Variants in LAMA2 observed in about 807,000 individuals in gnomAD.
LAMA2 encodes laminin subunit alpha-2.
A neutral mutation model predicts 364.8 loss-of-function variants in LAMA2; 269 were observed. The observed-to-expected ratio is 0.74, with a 90% CI of 0.67 to 0.82. The LOEUF (loss-of-function observed/expected upper bound fraction) is 0.82. LAMA2 is among the 40% of genes least tolerant of loss of function. The pLI is 0.00. For missense variants in LAMA2, 3,807 were observed against 3,873.2 expected (o/e 0.98, Z 0.45); for synonymous variants, 1,379 against 1,370.6 (o/e 1.01, Z -0.14).
At chr6:129,382,891 G>A (rs557681899) in intron 34 of LAMA2, among the ~76,000 whole-genome samples, 19 of 152,256 alleles carry the variant, frequency 1.2e-4, no homozygotes, top group South Asian at 8.3e-4. Flanking sequence ...TATAACAAGC[G>A]TTTTTTAAAA....
intron 1 of LAMA2, among the ~76,000 whole-genome samples, chr6:129,006,422 C>G (rs1452483090): frequency 6.6e-6 from 1 of 152,064 alleles, no homozygotes; most frequent in Non-Finnish European, 1.5e-5. Context: ...TTGCCTTGAT[C>G]TTAGAGGCTG....
chr6:129,219,981 A>T (rs1177379571), intron 12 of LAMA2, among the ~76,000 whole-genome samples: 1 of 151,878 alleles, frequency 6.6e-6, no homozygotes, highest in Non-Finnish European at 1.5e-5. Context: ...ATAATAAAAT[A>T]AAAATAAAAT....
chr6:129,227,965 G>A (rs940273252), intron 12 of LAMA2, among the ~76,000 whole-genome samples: 1 of 152,188 alleles, frequency 6.6e-6, no homozygotes, highest in Non-Finnish European at 1.5e-5. Flanking sequence ...TTGAGCTGCA[G>A]TGGGCTTCAC....
chr6:129,266,687 C>G lies in LAMA2; in HGVS notation c.2209-419C>G, dbSNP rs1317380552. On this transcript the variant is annotated intron_variant, in intron 15 of 64. Transcript: ENST00000421865. ...GGCAAGTGAACACATTCCAGAGAAT[C>G]AAAATTGCTTGGGATGACATCGGGT... 2.0e-5 allele frequency among the ~76,000 whole-genome samples: 3 copies of G among 152,082 alleles called. No homozygotes were observed. In the South Asian group the frequency reaches 6.2e-4, roughly 31 times the overall value.
At chr6:129,500,170 G>T (rs1467740912) in intron 58 of LAMA2, among the ~76,000 whole-genome samples, 1 of 152,048 alleles carries the variant, frequency 6.6e-6, no homozygotes, top group Non-Finnish European at 1.5e-5. Flanking sequence ...CAAATTAGAG[G>T]GTGGGGAATT....
At chr6:129,429,724 C>G (rs1021336054) in intron 41 of LAMA2, among the ~76,000 whole-genome samples, 2 of 152,178 alleles carry the variant, frequency 1.3e-5, no homozygotes, top group African/African-American at 4.8e-5. Flanking sequence ...ATCTCATACC[C>G]TTGCCCAGGG....
At chr6:129,326,848 C>T (rs897597943) in intron 28 of LAMA2, among the ~76,000 whole-genome samples, 3 of 147,030 alleles carry the variant, frequency 2.0e-5, no homozygotes, top group Admixed American at 1.4e-4. Context: ...CAGTTTTATT[C>T]AGTGGTCAGC....
chr6:129,298,611 T>C (rs1773353439), intron 21 of LAMA2, among the ~76,000 whole-genome samples: 1 of 152,232 alleles, frequency 6.6e-6, no homozygotes. Context: ...CTTTGTTTAC[T>C]AATGTCATGG....
intron 3 of LAMA2, among the ~76,000 whole-genome samples, chr6:129,071,113 C>A (rs1230793067): frequency 6.6e-6 from 1 of 152,182 alleles, no homozygotes; most frequent in Non-Finnish European, 1.5e-5. Context: ...AAATGTGGGA[C>A]TCACTGGAGT....
intron 10 of LAMA2, among the ~76,000 whole-genome samples, chr6:129,183,097 C>A (rs1027384324): frequency 3.3e-5 from 5 of 151,950 alleles, no homozygotes; most frequent in Admixed American, 6.6e-5. Flanking sequence ...TAGCTCAAGA[C>A]ACTCAAATGT....
intron 45 of LAMA2, among the ~76,000 whole-genome samples, 167 bp from the exon 46 acceptor site, chr6:129,452,821 T>C (rs1343178440): frequency 1.3e-5 from 2 of 152,208 alleles, no homozygotes; most frequent in Non-Finnish European, 2.9e-5. Flanking sequence ...TTCTGTGCCC[T>C]CATTAATGAG....
Position 129,426,926 on chromosome 6 carries a change from C to T in LAMA2, c.5866-826C>T, listed in dbSNP as rs570390887. Among the ~76,000 whole-genome samples, 10 of 152,268 alleles carry T rather than the reference C, an allele frequency of 6.6e-5. No homozygotes were observed. In the South Asian group the frequency reaches 1.7e-3, roughly 25 times the overall value. On this transcript the variant is annotated intron_variant, in intron 40 of 64. Coordinates refer to ENST00000421865, the MANE Select transcript of LAMA2 (RefSeq NM_000426.4). ...TCAACAGTAAGTATTTAGCACTCTC[C>T]AACCCTTCTTGCACTTGCAATACTT... is the stretch of plus-strand genomic sequence containing the variant.
intron 8 of LAMA2, among the ~76,000 whole-genome samples, chr6:129,161,379 A>C (rs1779430934): frequency 1.3e-5 from 2 of 152,012 alleles, no homozygotes. Context: ...TAATAATATG[A>C]TTGGGTTTTG....
Position 129,275,140 on chromosome 6 carries a change from G to T in LAMA2, c.2450+4389G>T, listed in dbSNP as rs142580141. ...ACTCAAGAGATCATATTGAATGCAC[G>T]TTGTTAAAATTAATATAGAGAAATG... On this transcript the variant is annotated intron_variant, in intron 17 of 64. Coordinates refer to ENST00000421865, the MANE Select transcript of LAMA2 (RefSeq NM_000426.4). 1.1e-3 allele frequency among the ~76,000 whole-genome samples: 174 copies of T among 152,054 alleles called. 1 individual carries two copies. The highest frequency in any genetic ancestry group is 3.9e-3 in the African/African-American group (162 of 41,516).
intron 13 of LAMA2, among the ~76,000 whole-genome samples, chr6:129,251,060 CTCTCTCTCTCTCTCTCTA>C (rs1282591159): frequency 2.1e-3 from 159 of 74,246 alleles, no homozygotes; most frequent in East Asian, 9.3e-3. Flanking sequence ...CTCTCTCTCT[CTCTCTCTCTCTCTCTCTA>C]TATATATATA....
chr6:129,061,169 C>A (rs980074937), intron 3 of LAMA2, among the ~76,000 whole-genome samples: 3 of 152,184 alleles, frequency 2.0e-5, no homozygotes, highest in African/African-American at 7.2e-5. Context: ...CTGATAAAGA[C>A]AACTTTGTCC....
At chr6:129,483,535 AAG>A (rs1784454811) in intron 55 of LAMA2, among the ~76,000 whole-genome samples, 1 of 152,182 alleles carries the variant, frequency 6.6e-6, no homozygotes, top group Admixed American at 6.5e-5. Context: ...GAAGATATTA[AAG>A]ACTCAATATT....
chr6:129,371,069 T>C (rs1322020327), intron 34 of LAMA2, among the ~76,000 whole-genome samples: 1 of 152,210 alleles, frequency 6.6e-6, no homozygotes, highest in Admixed American at 6.5e-5. Flanking sequence ...ATTTATCTCA[T>C]ATTAATTTAA....
At chr6:129,435,557 C>T (rs1781792159) in intron 41 of LAMA2, among the ~76,000 whole-genome samples, 1 of 152,002 alleles carries the variant, frequency 6.6e-6, no homozygotes, top group Non-Finnish European at 1.5e-5. Flanking sequence ...AGTGACTGAA[C>T]TAGACATATT....
Sources: gnomAD v4.1 joint callset for allele counts (sites outside exome capture counted in the v4.1 genomes callset) on GRCh38, gnomAD v4.1.1 for gene constraint, MANE v1.5 for transcripts, NCBI Gene and HGNC (gene_info 2026-07-23, HGNC 2026-07-21) for gene names.